The following SLC12A9 variants were observed in gnomAD, a reference collection of about 807,000 sequenced individuals.
SLC12A9 encodes the protein solute carrier family 12 member 9.
A neutral mutation model predicts 66.0 loss-of-function variants in SLC12A9; 55 were observed. The ratio of observed to expected loss-of-function variants is 0.83; its 90% CI spans 0.67 to 1.04. The LOEUF is 1.04. Among genes scored for constraint, SLC12A9 ranks in the 50% least tolerant of loss-of-function variants. SLC12A9 has a pLI of 0.00. For missense variants in SLC12A9, 1,061 were observed against 1,241.9 expected, an observed-to-expected ratio of 0.85 and a Z score of 2.19; for synonymous variants, 577 against 569.0, an observed-to-expected ratio of 1.01 and a Z score of -0.20.
Position 100,858,932 on chromosome 7 carries a change from C to T in SLC12A9, c.855C>T (p.Ala285=). The T allele has an allele frequency of 1.2e-6, 2 of 1,614,130 alleles. No individual in the cohort carries two copies. Among genetic ancestry groups the T allele is most frequent in the Non-Finnish European group, 1.7e-6 (2 of 1,180,030 alleles). Residue 285 remains alanine (A), a synonymous_variant, in exon 6 of 14, where the codon GCC becomes GCT. Transcript: ENST00000354161. ...FNGCTGIMAG[A]NMSGELKDPS... ...GCTGTACAGGCATCATGGCTGGGGC[C>T]AACATGTCAGGTGAGAGTCCCTGCC... is the stretch of plus-strand genomic sequence containing the variant.
At chr7:100,839,512 C>T (rs1311112854) in intron 1 of SLC12A9, among the ~76,000 whole-genome samples, 1 of 152,206 alleles carries the variant, frequency 6.6e-6, no homozygotes, top group Non-Finnish European at 1.5e-5. Flanking sequence ...ATGGTCGAGG[C>T]AGCTCCTTAG....
At chr7:100,832,983 G>A (rs555597183) in intron 1 of SLC12A9, among the ~76,000 whole-genome samples, 28 of 152,072 alleles carry the variant, frequency 1.8e-4, no homozygotes, top group East Asian at 9.7e-4. Flanking sequence ...ACTATGTTGC[G>A]CAGGCTGGTC....
At chr7:100,841,142 TG>T (rs1398760194) in intron 1 of SLC12A9, among the ~76,000 whole-genome samples, 21 of 152,192 alleles carry the variant, frequency 1.4e-4, no homozygotes, top group African/African-American at 4.8e-4. Context: ...ATTGTTGTCC[TG>T]AAATAAATTA....
At chr7:100,860,099 G>C in intron 8 of SLC12A9, 51 bp from the exon 9 acceptor site, 1 of 1,614,124 alleles carries the variant, frequency 6.2e-7, no homozygotes. Context: ...CTGTCTCTCC[G>C]TCCCCGCTGA....
chr7:100,864,776 C>T (rs1371287869), intron 13 of SLC12A9, among the ~76,000 whole-genome samples: 1 of 152,108 alleles, frequency 6.6e-6, no homozygotes, highest in African/African-American at 2.4e-5. Context: ...AAAGAGGAGA[C>T]TAAATATTAC....
rs1450972885 is a variant in SLC12A9 at position 100,861,741 on chromosome 7, G to C, written c.1541G>C (p.Arg514Pro). Residue 514 changes from arginine to proline, a missense_variant, in exon 12 of 14, where the codon CGT (arginine) becomes CCT (proline). By Grantham distance (103) the Arg-to-Pro change is moderately radical. Transcript: ENST00000354161. The surrounding 1 kb of genome is among the most constrained non-coding windows in gnomAD (Gnocchi z 5.3). ...CTGCCTCACCCCTATACCCAGGTGC[G>C]TAAGTATCTGCTTCGGCTGGACGTC... ...VSQALLFHQV[R>P]KYLLRLDVRK... The C allele has an allele frequency of 1.9e-6, 3 of 1,614,066 alleles. No homozygotes were observed. The highest frequency in any genetic ancestry group is 1.7e-6 in the Non-Finnish European group (2 of 1,180,034).
intron 1 of SLC12A9, among the ~76,000 whole-genome samples, chr7:100,830,821 G>T (rs1252082476): frequency 6.6e-6 from 1 of 152,006 alleles, no homozygotes; most frequent in Non-Finnish European, 1.5e-5. Context: ...TGGCATCTGA[G>T]ATTTTCACTT....
At chr7:100,857,461 A>G in intron 5 of SLC12A9, 1 of 453,050 alleles carries the variant, frequency 2.2e-6, no homozygotes, top group Non-Finnish European at 4.0e-6. Context: ...GCCCAGCATG[A>G]CTTAAACAGA....
intron 1 of SLC12A9, among the ~76,000 whole-genome samples, chr7:100,831,832 G>A (rs1472660135): frequency 6.6e-6 from 1 of 152,046 alleles, no homozygotes; most frequent in Non-Finnish European, 1.5e-5. Context: ...CAAAGTTCAG[G>A]TTTACCCCAA....
At chr7:100,865,286 G>A in intron 13 of SLC12A9, 1 of 1,535,788 alleles carries the variant, frequency 6.5e-7, no homozygotes, top group South Asian at 1.2e-5. Context: ...TCCCATTGCA[G>A]AGTCTGGGAC....
At position 100,855,761 on chromosome 7, in the gene SLC12A9, C is replaced by T; in HGVS notation, c.372C>T (p.Phe124=). The change falls in exon 4 of 14, where the codon TTC becomes TTT. Residue 124 remains phenylalanine (F), a synonymous_variant. Transcript: ENST00000354161. The part of the protein sequence containing the change: ...PEVGGSIGLM[F]YLANVCGCAV... The stretch of plus-strand genomic sequence containing the variant: ...TCGGGGGCAGCATTGGGCTCATGTT[C>T]TACCTGGCTAACGTCTGTGGCTGTG... 1 of 1,614,180 alleles carries T rather than the reference C, an allele frequency of 6.2e-7. No individual in the cohort carries two copies. The highest frequency in any genetic ancestry group is 8.5e-7 in the Non-Finnish European group (1 of 1,180,014).
intron 1 of SLC12A9, among the ~76,000 whole-genome samples, chr7:100,845,064 A>G (rs1370228002): frequency 6.6e-6 from 1 of 151,948 alleles, no homozygotes; most frequent in Admixed American, 6.6e-5. Flanking sequence ...AATCACCCTG[A>G]TCACTTCTAG....
At chr7:100,853,891 G>A (rs555062195) in intron 1 of SLC12A9, among the ~76,000 whole-genome samples, 1 of 152,216 alleles carries the variant, frequency 6.6e-6, no homozygotes, top group East Asian at 1.9e-4. Context: ...ACCATGCCCA[G>A]CTACTTTTTG....
intron 1 of SLC12A9, among the ~76,000 whole-genome samples, chr7:100,836,385 C>A (rs1813660154): frequency 6.6e-6 from 1 of 152,078 alleles, no homozygotes; most frequent in South Asian, 2.1e-4. Flanking sequence ...GTAGGCCGGG[C>A]CCCAGAGGAG....
Position 100,864,171 on chromosome 7 carries a change from C to T in SLC12A9, c.1858+1344C>T, listed in dbSNP as rs943101319. Among the ~76,000 whole-genome samples, 13 of 151,032 alleles carry T rather than the reference C, an allele frequency of 8.6e-5. 1 individual carries two copies. The highest frequency in any genetic ancestry group is 2.9e-4 in the African/African-American group (12 of 41,068). Reference sequence around the variant, plus strand: ...TCAGCTCACTGCAACCTCTGCCTCCCGGGTTCAAGTATTCTCCCATCTCAG... The same window carrying T: ...TCAGCTCACTGCAACCTCTGCCTCCTGGGTTCAAGTATTCTCCCATCTCAG... On this transcript the variant is annotated intron_variant, in intron 13 of 13. Transcript: ENST00000354161.
At chr7:100,851,888 A>C (rs1814095052), upstream of SLC12A9, among the ~76,000 whole-genome samples, 1 of 151,882 alleles carries the variant, frequency 6.6e-6, no homozygotes, top group Admixed American at 6.6e-5. Flanking sequence ...CAGAGTGGCT[A>C]ATTTAATGCA....
chr7:100,847,889 C>T, upstream of SLC12A9, among the ~76,000 whole-genome samples: 1 of 151,822 alleles, frequency 6.6e-6, no homozygotes. Context: ...AGTTCAAGAC[C>T]AGCCTGGCCA....
At chr7:100,849,672 G>A (rs1814014882), upstream of SLC12A9, among the ~76,000 whole-genome samples, 1 of 151,204 alleles carries the variant, frequency 6.6e-6, no homozygotes, top group African/African-American at 2.4e-5. Flanking sequence ...CTGAGATCGC[G>A]CCACTGCCCT....
At chr7:100,842,961 C>A (rs1484852316) in intron 1 of SLC12A9, among the ~76,000 whole-genome samples, 1 of 152,270 alleles carries the variant, frequency 6.6e-6, no homozygotes, top group Non-Finnish European at 1.5e-5. Context: ...TCTCCCAACA[C>A]TAAGTTCACT....
Sources: gnomAD v4.1 joint callset for allele counts (sites outside exome capture counted in the v4.1 genomes callset) on GRCh38, gnomAD v4.1.1 for gene constraint, Gnocchi (gnomAD v3.1) non-coding constraint, MANE v1.5 for transcripts, NCBI Gene and HGNC (gene_info 2026-07-23, HGNC 2026-07-21) for gene names.